Variants in TESK2 observed in about 807,000 individuals in gnomAD.
TESK2 encodes the protein dual specificity testis-specific protein kinase 2.
A neutral mutation model predicts 57.1 loss-of-function variants in TESK2; 39 were observed. The observed-to-expected ratio is 0.68, with a 90% confidence interval of 0.53 to 0.89. TESK2 has a LOEUF of 0.89. TESK2 is among the 40% of genes least tolerant of loss of function. The pLI is 0.00. For synonymous variants in TESK2, 249 were observed against 267.9 expected, an observed-to-expected ratio of 0.93 and a Z score of 0.69; for missense variants, 646 against 732.1, an observed-to-expected ratio of 0.88 and a Z score of 1.36.
At chr1:45,425,174 T>TA (rs1043334927) in intron 2 of TESK2, among the ~76,000 whole-genome samples, 6 of 152,148 alleles carry the variant, frequency 3.9e-5, no homozygotes, top group East Asian at 3.9e-4. Context: ...AAGACTACAC[T>TA]AAAAAAACTA....
chr1:45,345,125 C>T lies in TESK2; in HGVS notation c.1431G>A (p.Ser477=), dbSNP rs56323538. The T allele has an allele frequency of 2.1e-3, 3,319 of 1,614,124 alleles. 61 individuals are homozygous for T. The East Asian group carries it at 0.039, about 19-fold the overall frequency. Residue 477 remains serine (S), a synonymous_variant, in exon 11 of 11, where the codon TCG becomes TCA. Transcript: ENST00000372086. ...EACPFVGREE[S]LSDGPPPRLS... is the part of the protein sequence containing the mutation. ...GGCGTGGTGGGGGCCCATCAGATAGCGATTCTTCCCGGCCCACAAATGGAC... is the reference window on the plus strand; with the variant it reads ...GGCGTGGTGGGGGCCCATCAGATAGTGATTCTTCCCGGCCCACAAATGGAC...
rs546377952 is a variant in TESK2, at chr1:45,479,068, A to G, written c.-87+11784T>C. On this transcript the variant is annotated intron_variant, in intron 1 of 10. Transcript: ENST00000372086. Reference sequence around the variant, plus strand: ...CATGGGCAAATTATGAATAATGTGTATCTTCTCCTTTAAAATCTCTATTTT... The same window carrying G: ...CATGGGCAAATTATGAATAATGTGTGTCTTCTCCTTTAAAATCTCTATTTT... Among the ~76,000 whole-genome samples the G allele has an allele frequency of 2.6e-5, 4 of 152,250 alleles. No homozygotes were observed. The South Asian group carries it at 8.3e-4, about 32-fold the overall frequency.
At chr1:45,473,224 C>A (rs879520044) in intron 1 of TESK2, among the ~76,000 whole-genome samples, 1 of 151,588 alleles carries the variant, frequency 6.6e-6, no homozygotes, top group Admixed American at 6.6e-5. Context: ...TAGGTAATAC[C>A]GAGTTCCTAC....
intron 4 of TESK2, among the ~76,000 whole-genome samples, chr1:45,358,049 C>T (rs1236894936): frequency 1.5e-5 from 2 of 133,590 alleles, no homozygotes; most frequent in Non-Finnish European, 3.2e-5. Context: ...CACAATGGCT[C>T]ACACCTGTAA....
intron 3 of TESK2, among the ~76,000 whole-genome samples, chr1:45,419,740 A>C (rs888120764): frequency 6.6e-6 from 1 of 152,198 alleles, no homozygotes; most frequent in Non-Finnish European, 1.5e-5. Context: ...CAGGAGGTGG[A>C]GGTTGCAGAG....
chr1:45,408,332 G>T (rs887936741), intron 3 of TESK2, among the ~76,000 whole-genome samples: 1 of 151,772 alleles, frequency 6.6e-6, no homozygotes, highest in Non-Finnish European at 1.5e-5. Flanking sequence ...TTTTGTATGG[G>T]ATTTTTTTTT....
chr1:45,433,318 A>G (rs1651060367), intron 2 of TESK2, among the ~76,000 whole-genome samples: 1 of 151,808 alleles, frequency 6.6e-6, no homozygotes, highest in South Asian at 2.1e-4. Context: ...GCCTCAAGTG[A>G]TCTGCCCTCC....
chr1:45,482,036 T>C (rs1212187352), intron 1 of TESK2, among the ~76,000 whole-genome samples: 1 of 152,224 alleles, frequency 6.6e-6, no homozygotes, highest in Non-Finnish European at 1.5e-5. Context: ...AAATGCTGTG[T>C]GATGCTAATC....
In TESK2 at chr1:45,345,411, A is replaced by G. The variant is rs942098463; in HGVS notation, c.1145T>C (p.Val382Ala). The G allele has an allele frequency of 1.5e-5, 25 of 1,613,922 alleles. No individual in the cohort carries two copies. Among genetic ancestry groups the G allele is most frequent in the Non-Finnish European group, 1.9e-5 (22 of 1,180,014 alleles). Reference sequence around the variant, plus strand: ...TCGTGGCCGGTAGTATGGGTCCAAGACACTCACTGTACGTGGGGGCTTACG... The same window carrying G: ...TCGTGGCCGGTAGTATGGGTCCAAGGCACTCACTGTACGTGGGGGCTTACG... ...FSRKPPRTVS[V>A]LDPYYRPRDG... The change falls in exon 11 of 11, where the codon GTC (valine) becomes GCC (alanine). Residue 382 changes from valine (V) to alanine (A), a missense_variant. Val to Ala is a moderately conservative substitution (Grantham distance 64). Coordinates refer to ENST00000372086, the MANE Select transcript of TESK2 (RefSeq NM_007170.3).
At chr1:45,480,735 C>A (rs549121101) in intron 1 of TESK2, among the ~76,000 whole-genome samples, 1 of 151,590 alleles carries the variant, frequency 6.6e-6, no homozygotes, top group South Asian at 2.1e-4. Context: ...CACTTGTAAT[C>A]CCAGCACTTT....
chr1:45,441,764 G>A (rs1308601441), intron 2 of TESK2, among the ~76,000 whole-genome samples: 5 of 150,762 alleles, frequency 3.3e-5, no homozygotes, highest in Non-Finnish European at 5.9e-5. Context: ...TTACAGGTAC[G>A]TGCCACCACG....
intron 4 of TESK2, among the ~76,000 whole-genome samples, chr1:45,375,215 T>A (rs1648351916): frequency 6.6e-6 from 1 of 152,178 alleles, no homozygotes; most frequent in Non-Finnish European, 1.5e-5. Flanking sequence ...TCTAAAGTTC[T>A]TACAGCAGTA....
At chr1:45,434,606 G>A (rs2149291489) in intron 2 of TESK2, among the ~76,000 whole-genome samples, 1 of 152,010 alleles carries the variant, frequency 6.6e-6, no homozygotes, top group East Asian at 1.9e-4. Context: ...TATACCTGTT[G>A]ACCATTCCTA....
At position 45,345,926 on chromosome 1, in the gene TESK2, T is replaced by C. The variant is rs753018859; in HGVS notation, c.948A>G (p.Leu316=). 1 of 1,614,142 alleles carries C rather than the reference T, an allele frequency of 6.2e-7. No homozygotes were observed. The highest frequency in any genetic ancestry group is 1.7e-5 in the Admixed American group (1 of 60,022). The change falls in exon 10 of 11, where the codon CTA becomes CTG. Residue 316 remains leucine, a synonymous_variant. Coordinates refer to ENST00000372086, the MANE Select transcript of TESK2 (RefSeq NM_007170.3). ...TATCCCTCTCCTGCTCTTCTTCCTG[T>C]AGGCGGCTCAGAATTTCCTCCAGGG... The part of the protein sequence containing the change: ...GKTLEEILSR[L]QEEEQERDRK...
At chr1:45,471,481 C>T in intron 1 of TESK2, among the ~76,000 whole-genome samples, 1 of 151,930 alleles carries the variant, frequency 6.6e-6, no homozygotes, top group East Asian at 1.9e-4. Context: ...TCTCGGCTCA[C>T]TGCAACCTCT....
intron 4 of TESK2, among the ~76,000 whole-genome samples, chr1:45,373,623 T>C (rs1648291543): frequency 6.6e-6 from 1 of 152,172 alleles, no homozygotes; most frequent in African/African-American, 2.4e-5. Flanking sequence ...TGCATTGAAA[T>C]GAGCTAAAAT....
chr1:45,455,239 A>C (rs991420251), intron 2 of TESK2, among the ~76,000 whole-genome samples: 1 of 152,198 alleles, frequency 6.6e-6, no homozygotes, highest in Non-Finnish European at 1.5e-5. Context: ...CATTATAATC[A>C]TAAGGCTTTT....
intron 4 of TESK2, among the ~76,000 whole-genome samples, chr1:45,358,776 G>A (rs752222956): frequency 6.6e-6 from 1 of 152,042 alleles, no homozygotes; most frequent in Non-Finnish European, 1.5e-5. Context: ...TTTAGAGAAG[G>A]CATTTAGAAA....
chr1:45,368,334 T>C (rs1193049898), intron 4 of TESK2, among the ~76,000 whole-genome samples: 1 of 151,532 alleles, frequency 6.6e-6, no homozygotes, highest in African/African-American at 2.4e-5. Flanking sequence ...GTCATCTTTT[T>C]GTTTTTGTTT....
Sources: allele counts gnomAD v4.1 joint callset (sites outside exome capture counted in the v4.1 genomes callset), GRCh38; gene constraint gnomAD v4.1.1; transcripts MANE v1.5; gene names NCBI Gene and HGNC (gene_info 2026-07-23, HGNC 2026-07-21).